Variants in NUBPL observed in about 807,000 individuals in gnomAD.
NUBPL encodes NUBP iron-sulfur cluster assembly factor, mitochondrial, also known as iron-sulfur cluster transfer protein NUBPL.
In NUBPL, 31 loss-of-function variants were observed where a neutral mutation model predicts 45.7. The ratio of observed to expected loss-of-function variants is 0.68; its 90% CI spans 0.51 to 0.92. NUBPL has a LOEUF of 0.92. Among genes scored for constraint, NUBPL ranks in the 40% least tolerant of loss-of-function variants. NUBPL has a pLI of 0.00. For missense variants in NUBPL, 401 were observed against 398.7 expected (o/e 1.01, Z -0.05); for synonymous variants, 144 against 140.9 (o/e 1.02, Z -0.15).
intron 7 of NUBPL, among the ~76,000 whole-genome samples, chr14:31,812,450 G>A (rs2039827021): frequency 6.6e-6 from 1 of 152,230 alleles, no homozygotes; most frequent in Admixed American, 6.5e-5. Context: ...CCAGGCGCGG[G>A]ATGTAATCTC....
intron 6 of NUBPL, among the ~76,000 whole-genome samples, chr14:31,685,472 G>A (rs889441256): frequency 1.3e-5 from 2 of 151,944 alleles, no homozygotes; most frequent in Admixed American, 1.3e-4. Context: ...AAAATAGGAT[G>A]GTAGCTTAAG....
intron 4 of NUBPL, among the ~76,000 whole-genome samples, chr14:31,625,881 G>GGAA (rs1198166411): frequency 1.3e-5 from 2 of 152,088 alleles, no homozygotes; most frequent in African/African-American, 4.8e-5. Flanking sequence ...TGGAAACAGA[G>GGAA]GAACTTCCAG....
chr14:31,751,043 C>T (rs926341811), intron 6 of NUBPL, among the ~76,000 whole-genome samples: 1 of 152,098 alleles, frequency 6.6e-6, no homozygotes. Context: ...TGAGAACTCA[C>T]TCACTATTAT....
chr14:31,828,226 G>A (rs2040135580), intron 8 of NUBPL, among the ~76,000 whole-genome samples: 1 of 152,172 alleles, frequency 6.6e-6, no homozygotes, highest in Non-Finnish European at 1.5e-5. Context: ...AATTTGAGCA[G>A]TGTTACTTTG....
intron 4 of NUBPL, among the ~76,000 whole-genome samples, chr14:31,619,158 T>C (rs2034991903): frequency 6.6e-6 from 1 of 152,306 alleles, no homozygotes; most frequent in Admixed American, 6.5e-5. Context: ...TCCCTCCCTT[T>C]ATTTTGAGCC....
At chr14:31,575,873 A>G (rs1352257959) in intron 3 of NUBPL, among the ~76,000 whole-genome samples, 1 of 152,214 alleles carries the variant, frequency 6.6e-6, no homozygotes, top group Non-Finnish European at 1.5e-5. Flanking sequence ...AAACCAGGGC[A>G]AAAGGTCAGA....
At chr14:31,627,487 A>G (rs754367157) in intron 4 of NUBPL, among the ~76,000 whole-genome samples, 109 of 152,012 alleles carry the variant, frequency 7.2e-4, no homozygotes, top group Non-Finnish European at 9.0e-4. Flanking sequence ...TCATGATGTT[A>G]AAAATTATTG....
rs554699817 is a variant in NUBPL, at chr14:31,718,017, G to C, written c.513+44443G>C. On this transcript the variant is annotated intron_variant, in intron 6 of 10. Coordinates refer to ENST00000281081, the MANE Select transcript of NUBPL (RefSeq NM_025152.3). ...CCCACTGTGTAGTATGTGGTAGTTA[G>C]CCAAAACATCTAAGGCAATTTATGG... 1.9e-4 allele frequency among the ~76,000 whole-genome samples: 29 copies of C among 152,314 alleles called. 2 individuals are homozygous for C. In the South Asian group the frequency reaches 5.8e-3, roughly 30 times the overall value.
At position 31,602,422 on chromosome 14, in the gene NUBPL, T is replaced by G. The variant is rs999401711; in HGVS notation, c.382+3043T>G. Among the ~76,000 whole-genome samples, 11 of 148,270 alleles carry G rather than the reference T, an allele frequency of 7.4e-5. No homozygotes were observed. In the East Asian group the frequency reaches 1.6e-3, roughly 21 times the overall value. On this transcript the variant is annotated intron_variant, in intron 4 of 10. Coordinates refer to ENST00000281081, the MANE Select transcript of NUBPL (RefSeq NM_025152.3). The stretch of plus-strand genomic sequence containing the variant: ...AAAAAAAAGAAAAAAAAAGCAGACA[T>G]GGAAGACTGTACTTTGAGGAATCAT...
chr14:31,592,558 C>T (rs557953872), intron 3 of NUBPL, among the ~76,000 whole-genome samples: 4 of 151,870 alleles, frequency 2.6e-5, no homozygotes, highest in African/African-American at 7.2e-5. Context: ...GCATATGTCC[C>T]GTGCAATATT....
intron 4 of NUBPL, among the ~76,000 whole-genome samples, chr14:31,642,690 C>T (rs1259377236): frequency 6.6e-6 from 1 of 151,904 alleles, no homozygotes; most frequent in African/African-American, 2.4e-5. Context: ...GTTCTGTATA[C>T]ATTTTTGGAT....
At chr14:31,730,542 C>T (rs12590381) in intron 6 of NUBPL, among the ~76,000 whole-genome samples, 55,451 of 151,078 alleles carry the variant, frequency 0.37, 12,498 homozygotes, top group East Asian at 0.6. Context: ...CAGCTCACTG[C>T]AAGCTCCGCC....
At chr14:31,859,003 A>T (rs889650109) in intron 10 of NUBPL, 115 bp from the exon 11 acceptor site, 1 of 827,942 alleles carries the variant, frequency 1.2e-6, no homozygotes, top group Non-Finnish European at 2.1e-6. Context: ...GAATTTCCTC[A>T]TCTCACTCAG....
intron 6 of NUBPL, among the ~76,000 whole-genome samples, chr14:31,769,781 A>T (rs552786449): frequency 6.0e-5 from 9 of 150,920 alleles, no homozygotes; most frequent in African/African-American, 2.2e-4. Flanking sequence ...TAGTCATGGT[A>T]TTTTTTTTTC....
At chr14:31,850,615 AT>A (rs60195068) in intron 10 of NUBPL, among the ~76,000 whole-genome samples, 1,809 of 151,470 alleles carry the variant, frequency 0.012, 15 homozygotes, top group Middle Eastern at 0.024. Flanking sequence ...TAGAGGTGGG[AT>A]TTTTTTTTCT....
At chr14:31,620,886 G>T (rs778675560) in intron 4 of NUBPL, among the ~76,000 whole-genome samples, 6 of 152,168 alleles carry the variant, frequency 3.9e-5, no homozygotes, top group Non-Finnish European at 7.4e-5. Context: ...GCCCACAGCC[G>T]CACCTTCCCC....
intron 4 of NUBPL, among the ~76,000 whole-genome samples, chr14:31,625,876 A>G (rs927913333): frequency 1.3e-5 from 2 of 152,224 alleles, no homozygotes; most frequent in African/African-American, 4.8e-5. Context: ...GACCATGGAA[A>G]CAGAGGAACT....
At chr14:31,627,733 T>A (rs1163328545) in intron 4 of NUBPL, among the ~76,000 whole-genome samples, 2 of 141,606 alleles carry the variant, frequency 1.4e-5, no homozygotes, top group Non-Finnish European at 3.0e-5. Flanking sequence ...GCCACTGCAC[T>A]CCAGCCTGGG....
At chr14:31,712,414 G>A (rs1202110974) in intron 6 of NUBPL, among the ~76,000 whole-genome samples, 2 of 152,232 alleles carry the variant, frequency 1.3e-5, no homozygotes, top group Non-Finnish European at 2.9e-5. Context: ...GCAGGCACTG[G>A]CTGGTTGCGC....
Sources: gnomAD v4.1 joint callset for allele counts (sites outside exome capture counted in the v4.1 genomes callset) on GRCh38, gnomAD v4.1.1 for gene constraint, MANE v1.5 for transcripts, NCBI Gene and HGNC (gene_info 2026-07-23, HGNC 2026-07-21) for gene names.